PLOD2: variants seen among roughly 807,000 people sequenced by gnomAD.
PLOD2 encodes lysine hydroxylase 2.
A neutral mutation model predicts 101.0 loss-of-function variants in PLOD2; 65 were observed. The ratio of observed to expected loss-of-function variants is 0.64; its 90% confidence interval spans 0.53 to 0.79. PLOD2 has a LOEUF of 0.79. PLOD2 is among the 30% of genes least tolerant of loss of function. The pLI, the probability that PLOD2 is intolerant of heterozygous loss-of-function variation, is 0.00. For synonymous variants in PLOD2, 314 were observed against 302.9 expected (o/e 1.04, Z -0.38); for missense variants, 909 against 914.6 (o/e 0.99, Z 0.08).
intron 10 of PLOD2, chr3:146,086,097 T>G (rs1347316974): frequency 2.6e-5 from 4 of 152,222 alleles, no homozygotes; most frequent in Non-Finnish European, 4.4e-5. Context: ...TTTCTGTCTA[T>G]CCCTAGACCC....
At chr3:146,129,614 T>C (rs1332265154) in intron 1 of PLOD2, among the ~76,000 whole-genome samples, 2 of 152,108 alleles carry the variant, frequency 1.3e-5, no homozygotes, top group Non-Finnish European at 2.9e-5. Context: ...AACTCCTACA[T>C]ATGTGTTAGG....
In PLOD2 at chr3:146,105,920, T is replaced by C. The variant is rs559165439; in HGVS notation, c.615+612A>G. Reference sequence around the variant, plus strand: ...TGCAAAAGTTCACTCTGGTATCAAATGGCTTTGGTGTAGCTTCTGAGAAAA... The same window carrying C: ...TGCAAAAGTTCACTCTGGTATCAAACGGCTTTGGTGTAGCTTCTGAGAAAA... On this transcript the variant is annotated intron_variant, in intron 5 of 19. Transcript: ENST00000282903. Among the ~76,000 whole-genome samples, 9 of 152,340 alleles carry C rather than the reference T, an allele frequency of 5.9e-5. No homozygotes were observed. The South Asian group carries it at 6.2e-4, about 11-fold the overall frequency.
chr3:146,105,643 T>C (rs938657203), intron 5 of PLOD2, among the ~76,000 whole-genome samples: 3 of 152,224 alleles, frequency 2.0e-5, no homozygotes, highest in African/African-American at 7.2e-5. Context: ...TTTAAAATTG[T>C]AGCCAATTAA....
chr3:146,083,319 G>C (rs2108013749), intron 11 of PLOD2, among the ~76,000 whole-genome samples: 1 of 152,250 alleles, frequency 6.6e-6, no homozygotes, highest in Non-Finnish European at 1.5e-5. Context: ...AAAAAAGAGA[G>C]CTGATGAGAA....
chr3:146,152,143 G>A (rs1576631715), intron 1 of PLOD2, among the ~76,000 whole-genome samples: 1 of 152,178 alleles, frequency 6.6e-6, no homozygotes, highest in African/African-American at 2.4e-5. Context: ...TATTGGCCAG[G>A]TGCAGTGGCT....
intron 7 of PLOD2, among the ~76,000 whole-genome samples, chr3:146,095,314 A>C (rs908760073): frequency 1.3e-5 from 2 of 150,328 alleles, no homozygotes; most frequent in Non-Finnish European, 3.0e-5. Context: ...TTTGCTATCT[A>C]TCCATCCAAT....
chr3:146,110,816 C>A (rs892634175), intron 3 of PLOD2, among the ~76,000 whole-genome samples: 4 of 151,962 alleles, frequency 2.6e-5, no homozygotes, highest in Non-Finnish European at 5.9e-5. Context: ...ACGGAAGTTG[C>A]CATAACTGCC....
intron 3 of PLOD2, among the ~76,000 whole-genome samples, chr3:146,119,557 A>G (rs1195217277): frequency 6.6e-6 from 1 of 151,852 alleles, no homozygotes; most frequent in African/African-American, 2.4e-5. Context: ...TTGTCATTTA[A>G]CATTAGGTAT....
intron 7 of PLOD2, among the ~76,000 whole-genome samples, chr3:146,100,686 AAGG>A (rs567066662): frequency 1.4e-4 from 22 of 152,306 alleles, no homozygotes; most frequent in African/African-American, 4.8e-4. Context: ...GAGAGGGAGA[AAGG>A]AGAAGAAATT....
chr3:146,085,523 T>G, intron 10 of PLOD2: 1 of 520,836 alleles, frequency 1.9e-6, no homozygotes, highest in Non-Finnish European at 3.4e-6. Flanking sequence ...TTCAAGCCAG[T>G]AAATATTTTA....
Position 146,115,467 on chromosome 3 carries a change from G to C in PLOD2, c.339-5019C>G, listed in dbSNP as rs143351918. On this transcript the variant is annotated intron_variant, in intron 3 of 19. Transcript: ENST00000282903. ...ACAACATCAACCACATAGTCACCTA[G>C]GTTGAAAATCTTTCATTCACCCTTC... 3.4e-4 allele frequency among the ~76,000 whole-genome samples: 52 copies of C among 152,132 alleles called. No individual in the cohort carries two copies. In the East Asian group the frequency reaches 9.9e-3, roughly 29 times the overall value.
intron 10 of PLOD2, chr3:146,086,052 A>C (rs1239236652): frequency 6.6e-6 from 1 of 152,256 alleles, no homozygotes; most frequent in Non-Finnish European, 1.5e-5. Flanking sequence ...TGGAATCATT[A>C]GTAATAACAT....
intron 1 of PLOD2, among the ~76,000 whole-genome samples, chr3:146,151,590 G>A (rs986128055): frequency 6.6e-6 from 1 of 152,152 alleles, no homozygotes; most frequent in East Asian, 1.9e-4. Context: ...TCGGCTCAAG[G>A]TTGGTGAGTG....
rs572258125 is a variant in PLOD2 at position 146,124,793 on chromosome 3, C to T, written c.110-564G>A. ...CCGGGATTGCTTTTTCATGAAAATT[C>T]TTACAAGCGACAACATTATTTATTG... On this transcript the variant is annotated intron_variant, in intron 1 of 19. Coordinates refer to ENST00000282903, the MANE Select transcript of PLOD2 (RefSeq NM_182943.3). 1.2e-4 allele frequency among the ~76,000 whole-genome samples: 19 copies of T among 152,138 alleles called. No individual in the cohort carries two copies. In the East Asian group the frequency reaches 3.7e-3, roughly 29 times the overall value.
chr3:146,122,428 G>C (rs1418401824), intron 2 of PLOD2, among the ~76,000 whole-genome samples: 2 of 152,148 alleles, frequency 1.3e-5, no homozygotes, highest in Non-Finnish European at 2.9e-5. Context: ...AATACACCAT[G>C]TTAAGCACCA....
chr3:146,131,545 C>T (rs766177499), intron 1 of PLOD2, among the ~76,000 whole-genome samples: 1 of 152,180 alleles, frequency 6.6e-6, no homozygotes, highest in Non-Finnish European at 1.5e-5. Flanking sequence ...TCATACCCTG[C>T]TCTTCCACTG....
intron 1 of PLOD2, among the ~76,000 whole-genome samples, chr3:146,146,896 G>C (rs55679267): frequency 6.6e-5 from 10 of 152,074 alleles, no homozygotes; most frequent in African/African-American, 2.4e-4. Context: ...TGGGTTCTTC[G>C]TTTGAATAGA....
chr3:146,071,249 T>C, intron 18 of PLOD2, 28 bp downstream of exon 18: 4 of 1,611,492 alleles, frequency 2.5e-6, no homozygotes, highest in Non-Finnish European at 3.4e-6. Context: ...GGGTAAGAAA[T>C]AGGCTGGAGG....
At chr3:146,124,087 T>C (rs768395802) in intron 2 of PLOD2, 51 bp downstream of exon 2, 4 of 936,430 alleles carry the variant, frequency 4.3e-6, no homozygotes, top group East Asian at 2.4e-5. Context: ...ATGAAAAACA[T>C]ACTTTAGGCA....
Sources: gnomAD v4.1 joint callset for allele counts (sites outside exome capture counted in the v4.1 genomes callset) on GRCh38, gnomAD v4.1.1 for gene constraint, MANE v1.5 for transcripts, NCBI Gene and HGNC (gene_info 2026-07-23, HGNC 2026-07-21) for gene names.